DCC: variants seen among roughly 807,000 people sequenced by gnomAD.
DCC encodes the protein netrin receptor DCC.
DCC carries 58 observed loss-of-function variants against 172.5 expected under a neutral mutation model. That is an observed-to-expected ratio of 0.34 (90% CI 0.27 to 0.42). DCC has a LOEUF of 0.42. Ranked by LOEUF, DCC falls within the 10% of genes least tolerant of loss-of-function variation. DCC has a pLI of 1.00. For missense variants in DCC, 1,740 were observed against 1,791.0 expected (o/e 0.97, Z 0.51); for synonymous variants, 709 against 644.5 (o/e 1.10, Z -1.52).
chr18:53,366,530 T>A (rs921483605), intron 15 of DCC, among the ~76,000 whole-genome samples: 1 of 152,160 alleles, frequency 6.6e-6, no homozygotes. Flanking sequence ...GGACACTCAT[T>A]TCTCCCTGGT....
chr18:52,843,735 A>C (rs2038842750), intron 2 of DCC, among the ~76,000 whole-genome samples: 1 of 152,156 alleles, frequency 6.6e-6, no homozygotes, highest in Non-Finnish European at 1.5e-5. Context: ...ACAATTAAAC[A>C]CATGCTGGTC....
intron 25 of DCC, among the ~76,000 whole-genome samples, chr18:53,472,833 G>C (rs1309166549): frequency 3.3e-5 from 5 of 152,074 alleles, no homozygotes. Context: ...GCTCCCATTT[G>C]TCTGCCAAGA....
chr18:53,065,416 A>AT (rs927206715), intron 6 of DCC, among the ~76,000 whole-genome samples: 8 of 152,194 alleles, frequency 5.3e-5, no homozygotes, highest in African/African-American at 1.9e-4. Flanking sequence ...AAAGGAGTTA[A>AT]TGTTGCTGTA....
At chr18:53,097,628 C>T (rs1237994845) in intron 7 of DCC, among the ~76,000 whole-genome samples, 1 of 152,062 alleles carries the variant, frequency 6.6e-6, no homozygotes, top group Non-Finnish European at 1.5e-5. Context: ...GCTAGGGCTT[C>T]CATCGAAAAT....
intron 28 of DCC, among the ~76,000 whole-genome samples, chr18:53,528,996 C>T (rs539863654): frequency 5.5e-5 from 8 of 144,282 alleles, no homozygotes; most frequent in Non-Finnish European, 7.6e-5. Flanking sequence ...AATCCCCTCA[C>T]TTCAACTTCT....
At chr18:53,353,983 A>T (rs575814743) in intron 15 of DCC, among the ~76,000 whole-genome samples, 20 of 152,200 alleles carry the variant, frequency 1.3e-4, no homozygotes, top group African/African-American at 4.8e-4. Flanking sequence ...TCGTTGTTCA[A>T]TTCCCACCTA....
intron 5 of DCC, among the ~76,000 whole-genome samples, chr18:52,947,993 C>A (rs1006218769): frequency 6.6e-6 from 1 of 152,062 alleles, no homozygotes; most frequent in South Asian, 2.1e-4. Context: ...AGGCATCTAA[C>A]CATTTAAAAA....
intron 7 of DCC, among the ~76,000 whole-genome samples, chr18:53,117,017 G>A (rs1213540018): frequency 6.6e-6 from 1 of 151,598 alleles, no homozygotes; most frequent in Non-Finnish European, 1.5e-5. Context: ...CTATTTTTTA[G>A]ATGGAAAGTT....
At chr18:52,340,904 G>A (rs768533675) in intron 1 of DCC, 26 bp downstream of exon 1, 2 of 1,533,432 alleles carry the variant, frequency 1.3e-6, no homozygotes, top group East Asian at 2.2e-5. Flanking sequence ...CTTTCTTCTC[G>A]TCGCACCCCC....
chr18:53,475,125 A>C (rs1030599137), intron 25 of DCC, among the ~76,000 whole-genome samples: 3 of 152,248 alleles, frequency 2.0e-5, no homozygotes, highest in African/African-American at 7.2e-5. Flanking sequence ...ATTTCTAAGC[A>C]ATAAAGCATT....
rs188924781 is a variant in DCC at position 52,909,847 on chromosome 18, G to A, written c.697+3519G>A. On this transcript the variant is annotated intron_variant, in intron 3 of 28. Transcript: ENST00000442544. ...GAAATAGACAAAGCAAGTAGGCTGT[G>A]CTGTGAGAGAAGAAAACACAGAGCA... 3.9e-5 allele frequency among the ~76,000 whole-genome samples: 6 copies of A among 152,292 alleles called. No individual in the cohort carries two copies. The East Asian group carries it at 1.2e-3, about 29-fold the overall frequency.
rs2145149074 is a variant in DCC at position 53,450,374 on chromosome 18, T to C, written c.3230-126T>C. Reference sequence around the variant, plus strand: ...CATTTTTTCATTGCTTCCCTCGAACTCCCATCACTACCCCTAAGTTCAGAA... The same window carrying C: ...CATTTTTTCATTGCTTCCCTCGAACCCCCATCACTACCCCTAAGTTCAGAA... On this transcript the variant is annotated intron_variant, in intron 22 of 28. Transcript: ENST00000442544. 5 of 958,102 alleles carry C rather than the reference T, an allele frequency of 5.2e-6. No homozygotes were observed. In the East Asian group the frequency reaches 1.3e-4, roughly 24 times the overall value. 59.4% of individuals were successfully genotyped at this position (958,102 alleles called of 1,614,324 possible). A position where few individuals can be genotyped will look rare whatever the true frequency, so the allele number is the denominator to read the frequency against.
chr18:53,284,587 C>G (rs1300614281), intron 12 of DCC, among the ~76,000 whole-genome samples: 1 of 152,100 alleles, frequency 6.6e-6, no homozygotes, highest in Non-Finnish European at 1.5e-5. Flanking sequence ...ATTGCCCAGT[C>G]TCAAGTATGT....
intron 5 of DCC, among the ~76,000 whole-genome samples, chr18:52,963,613 G>T (rs72926162): frequency 6.6e-6 from 1 of 152,048 alleles, no homozygotes; most frequent in African/African-American, 2.4e-5. Flanking sequence ...GAGTGGGAAG[G>T]TGTTGTGGAG....
chr18:52,790,892 T>TC (rs1445322229), intron 2 of DCC, among the ~76,000 whole-genome samples: 1 of 152,200 alleles, frequency 6.6e-6, no homozygotes, highest in Admixed American at 6.5e-5. Flanking sequence ...TATATACCTA[T>TC]CAGGGTCATT....
At position 52,340,632 on chromosome 18, in the gene DCC, G is replaced by A; in HGVS notation, c.-156G>A. On this transcript the variant is annotated 5_prime_UTR_variant, in exon 1 of 29. Transcript: ENST00000442544. ...GCTTCGAAGGCAGCAGAGGCGCAGG[G>A]GAGGTGGAGAAAGAGGTGGAGGAAG... 2 of 750,416 alleles carry A rather than the reference G, an allele frequency of 2.7e-6. No individual in the cohort carries two copies. The highest frequency in any genetic ancestry group is 2.5e-5 in the East Asian group (1 of 40,414). 46.5% of individuals were successfully genotyped at this position (750,416 alleles called of 1,614,324 possible). A position where few individuals can be genotyped will look rare whatever the true frequency, so the allele number is the denominator to read the frequency against.
chr18:52,950,287 T>C (rs1333421522), intron 5 of DCC, among the ~76,000 whole-genome samples: 3 of 152,184 alleles, frequency 2.0e-5, no homozygotes, highest in Non-Finnish European at 4.4e-5. Context: ...CTGGACTTAC[T>C]CTCTCTGTGT....
intron 1 of DCC, among the ~76,000 whole-genome samples, chr18:52,750,665 G>A (rs956820778): frequency 1.3e-5 from 2 of 152,282 alleles, no homozygotes; most frequent in South Asian, 2.1e-4. Context: ...GGGAGAAACC[G>A]TAAGAAGCTG....
intron 2 of DCC, among the ~76,000 whole-genome samples, chr18:52,868,295 G>A (rs2039261940): frequency 2.0e-5 from 3 of 151,974 alleles, no homozygotes; most frequent in South Asian, 4.2e-4. Flanking sequence ...AGTTAAAACG[G>A]GTTTAATGGA....
Sources: allele counts gnomAD v4.1 joint callset (sites outside exome capture counted in the v4.1 genomes callset), GRCh38; gene constraint gnomAD v4.1.1; transcripts MANE v1.5; gene names NCBI Gene and HGNC (gene_info 2026-07-23, HGNC 2026-07-21).